Variants in MAGI2 observed in about 807,000 individuals in gnomAD.
MAGI2 encodes membrane-associated guanylate kinase, WW and PDZ domain-containing protein 2.
MAGI2 carries 35 observed loss-of-function variants against 133.3 expected under a neutral mutation model. The ratio of observed to expected loss-of-function variants is 0.26; its 90% confidence interval spans 0.20 to 0.35. MAGI2 has a LOEUF of 0.35. Among genes scored for constraint, MAGI2 ranks in the 10% least tolerant of loss-of-function variants. The probability of loss-of-function intolerance (pLI) is 1.00; values close to 1 mark genes in which losing one functional copy is unlikely to be tolerated. For synonymous variants in MAGI2, 729 were observed against 710.6 expected (o/e 1.03, Z -0.41); for missense variants, 1,636 against 1,863.4 (o/e 0.88, Z 2.25).
chr7:78,285,086 T>G (rs1292191745), intron 9 of MAGI2, among the ~76,000 whole-genome samples: 1 of 152,128 alleles, frequency 6.6e-6, no homozygotes, highest in Non-Finnish European at 1.5e-5. Flanking sequence ...AGACAGCTTT[T>G]ATGAGCCAGG....
At chr7:78,585,291 G>A (rs566841867) in intron 3 of MAGI2, among the ~76,000 whole-genome samples, 3 of 152,188 alleles carry the variant, frequency 2.0e-5, no homozygotes, top group Admixed American at 6.5e-5. Context: ...TCGAGACACC[G>A]GTAACTTCAC....
intron 9 of MAGI2, among the ~76,000 whole-genome samples, chr7:78,291,351 G>C (rs1033467803): frequency 5.9e-5 from 9 of 152,002 alleles, no homozygotes; most frequent in Non-Finnish European, 1.0e-4. Context: ...ATAAATTCCT[G>C]GACACATACA....
At chr7:78,761,831 T>C (rs1824542254) in intron 2 of MAGI2, among the ~76,000 whole-genome samples, 3 of 152,018 alleles carry the variant, frequency 2.0e-5, no homozygotes, top group Admixed American at 6.6e-5. Context: ...ATGCTGATGC[T>C]GGTCTATAGG....
At chr7:78,528,709 C>G (rs1387773008) in intron 3 of MAGI2, among the ~76,000 whole-genome samples, 1 of 151,902 alleles carries the variant, frequency 6.6e-6, no homozygotes, top group African/African-American at 2.4e-5. Flanking sequence ...TACATTTGGT[C>G]CTGAAAAAAA....
chr7:79,268,766 T>A (rs1210426043), intron 1 of MAGI2, among the ~76,000 whole-genome samples: 3 of 152,130 alleles, frequency 2.0e-5, no homozygotes, highest in Non-Finnish European at 2.9e-5. Context: ...TGACAGAAGA[T>A]TTCAACTGTC....
chr7:79,188,049 T>C (rs1827319757), intron 1 of MAGI2, among the ~76,000 whole-genome samples: 1 of 151,936 alleles, frequency 6.6e-6, no homozygotes, highest in South Asian at 2.1e-4. Flanking sequence ...ACATTAGTTG[T>C]TGTCTCAGCC....
intron 2 of MAGI2, among the ~76,000 whole-genome samples, chr7:78,878,846 C>T (rs1795627026): frequency 1.3e-5 from 2 of 152,176 alleles, no homozygotes; most frequent in Admixed American, 1.3e-4. Flanking sequence ...GCTGGAATCA[C>T]CTATAGTTCC....
intron 1 of MAGI2, among the ~76,000 whole-genome samples, chr7:79,271,640 G>T (rs1245352174): frequency 6.7e-6 from 1 of 149,120 alleles, no homozygotes; most frequent in Non-Finnish European, 1.5e-5. Context: ...AAATATTTCT[G>T]CAGGATGCTT....
intron 4 of MAGI2, among the ~76,000 whole-genome samples, chr7:78,510,413 A>C (rs1795467359): frequency 6.6e-6 from 1 of 152,238 alleles, no homozygotes; most frequent in Non-Finnish European, 1.5e-5. Flanking sequence ...GTAGGTGTTC[A>C]GTAAATGTTG....
chr7:78,951,600 G>A (rs951396350), intron 2 of MAGI2, among the ~76,000 whole-genome samples: 1 of 152,150 alleles, frequency 6.6e-6, no homozygotes, highest in African/African-American at 2.4e-5. Context: ...GGAACTGCAA[G>A]TCAAGATGAG....
intron 21 of MAGI2, among the ~76,000 whole-genome samples, chr7:78,051,837 G>A (rs192804403): frequency 7.4e-5 from 11 of 149,140 alleles, no homozygotes; most frequent in South Asian, 6.4e-4. Flanking sequence ...CACCTGCCTT[G>A]ACCTCCCATT....
intron 7 of MAGI2, chr7:78,347,086 T>C (rs909121906): frequency 8.5e-5 from 13 of 152,236 alleles, no homozygotes; most frequent in Non-Finnish European, 2.9e-5. Context: ...GTCTCGTAAG[T>C]GGAAAGGCTG....
At chr7:78,482,390 A>G (rs548285045) in intron 6 of MAGI2, among the ~76,000 whole-genome samples, 2 of 151,890 alleles carry the variant, frequency 1.3e-5, no homozygotes, top group African/African-American at 4.8e-5. Flanking sequence ...CAGCAATTGC[A>G]CTCTTGGGTT....
intron 1 of MAGI2, among the ~76,000 whole-genome samples, chr7:79,088,449 A>G (rs1165341686): frequency 1.3e-5 from 2 of 152,108 alleles, no homozygotes; most frequent in Non-Finnish European, 2.9e-5. Context: ...CAATCATGTC[A>G]TCTGCAAACA....
rs60256698 is a variant in MAGI2, at chr7:78,195,526, C to T, written c.2080-463G>A. On this transcript the variant is annotated intron_variant, in intron 11 of 21. Coordinates refer to ENST00000354212, the MANE Select transcript of MAGI2 (RefSeq NM_012301.4). ...ATACTCATTTGACACCTATGCATATCGCAACAACTTCCTACGCTTGAGCAT... is the reference window on the plus strand; with the variant it reads ...ATACTCATTTGACACCTATGCATATTGCAACAACTTCCTACGCTTGAGCAT... Among the ~76,000 whole-genome samples, 77 of 152,260 alleles carry T rather than the reference C, an allele frequency of 5.1e-4. 2 individuals carry two copies. In the East Asian group the frequency reaches 0.011, roughly 21 times the overall value.
rs554674076 is a variant in MAGI2 at position 79,373,002 on chromosome 7, A to G, written c.301+80018T>C. ...GATTGAAGAGCTATCTACAGTTGCT[A>G]TAAGTGGATAATAAAGAATACTTCA... On this transcript the variant is annotated intron_variant, in intron 1 of 21. Transcript: ENST00000354212. 1.4e-3 allele frequency among the ~76,000 whole-genome samples: 220 copies of G among 152,202 alleles called. 1 individual carries two copies. The highest frequency in any genetic ancestry group is 2.6e-3 in the Non-Finnish European group (176 of 67,978).
chr7:78,599,659 A>C (rs1211203037), intron 3 of MAGI2, among the ~76,000 whole-genome samples: 2 of 152,144 alleles, frequency 1.3e-5, no homozygotes, highest in African/African-American at 2.4e-5. Context: ...AGAGGTAGTC[A>C]TTTGGAACCT....
intron 1 of MAGI2, among the ~76,000 whole-genome samples, chr7:79,249,735 A>C (rs1159665967): frequency 6.6e-6 from 1 of 152,172 alleles, no homozygotes; most frequent in Non-Finnish European, 1.5e-5. Flanking sequence ...AAGAACTAAA[A>C]CCAATCCTAT....
intron 2 of MAGI2, among the ~76,000 whole-genome samples, chr7:78,636,769 A>G (rs1181560468): frequency 2.0e-5 from 3 of 152,014 alleles, no homozygotes; most frequent in South Asian, 2.1e-4. Flanking sequence ...CTGCATTCCA[A>G]CCTGGGTGAC....
Sources: gnomAD v4.1 joint callset for allele counts (sites outside exome capture counted in the v4.1 genomes callset) on GRCh38, gnomAD v4.1.1 for gene constraint, MANE v1.5 for transcripts, NCBI Gene and HGNC (gene_info 2026-07-23, HGNC 2026-07-21) for gene names.